Variants in TNIP1 observed in about 807,000 individuals in gnomAD.
TNIP1 encodes the protein TNFAIP3-interacting protein 1.
Under a neutral mutation model 86.6 loss-of-function variants are expected in TNIP1, and 22 were observed. The ratio of observed to expected loss-of-function variants is 0.25; its 90% confidence interval spans 0.18 to 0.36. The LOEUF is 0.36. Among genes scored for constraint, TNIP1 ranks in the 10% least tolerant of loss-of-function variants. The pLI is 1.00. For synonymous variants in TNIP1, 294 were observed against 313.0 expected (o/e 0.94, Z 0.64); for missense variants, 709 against 820.6 (o/e 0.86, Z 1.66).
chr5:151,037,967 A>T (rs1055603636), intron 12 of TNIP1, among the ~76,000 whole-genome samples: 1 of 152,254 alleles, frequency 6.6e-6, no homozygotes, highest in African/African-American at 2.4e-5. Context: ...TGCCTAGGTC[A>T]TGAGCAAAGA....
chr5:151,086,622 C>G (rs1764289506), intron 1 of TNIP1, among the ~76,000 whole-genome samples: 1 of 152,194 alleles, frequency 6.6e-6, no homozygotes, highest in Non-Finnish European at 1.5e-5. Flanking sequence ...CCAACTTACA[C>G]CCACACAGAA....
At chr5:151,043,058 G>A (rs1000998591) in intron 9 of TNIP1, 97 bp from the exon 10 acceptor site, 11 of 1,270,836 alleles carry the variant, frequency 8.7e-6, no homozygotes, top group East Asian at 4.6e-5. Flanking sequence ...AGGTGTGCTC[G>A]GTGTGTGTGA....
intron 6 of TNIP1, 130 bp downstream of exon 6, chr5:151,056,636 C>T (rs928346539): frequency 2.1e-5 from 19 of 888,494 alleles, no homozygotes; most frequent in Non-Finnish European, 2.8e-5. Context: ...ACAAAAAGCC[C>T]GAAGTCTGCC....
At chr5:151,042,206 G>A (rs1758511261) in intron 11 of TNIP1, among the ~76,000 whole-genome samples, 2 of 152,072 alleles carry the variant, frequency 1.3e-5, no homozygotes, top group South Asian at 2.1e-4. Flanking sequence ...CTCCCCAGTT[G>A]CTAGGATTGT....
At position 151,054,888 on chromosome 5, in the gene TNIP1, C is replaced by G. The variant is rs563300548; in HGVS notation, c.627+1878G>C. On this transcript the variant is annotated intron_variant, in intron 6 of 17. Coordinates refer to ENST00000521591, the MANE Select transcript of TNIP1 (RefSeq NM_006058.5). ...GATGCCATGTCTCTGGGCGAGGCCT[C>G]CAGGGAACAGAATGGCCTGCTCCTA... Among the ~76,000 whole-genome samples the G allele has an allele frequency of 1.0e-3, 153 of 152,292 alleles. 2 individuals carry two copies. Among genetic ancestry groups the G allele is most frequent in the African/African-American group, 3.6e-3 (149 of 41,552 alleles).
upstream of TNIP1, among the ~76,000 whole-genome samples, chr5:151,082,044 T>TA (rs1458289545): frequency 1.3e-5 from 2 of 152,222 alleles, no homozygotes; most frequent in Non-Finnish European, 2.9e-5. Context: ...GTTGAAAACT[T>TA]AGTCATTGAC....
chr5:151,078,265 C>T (rs1763619362), intron 1 of TNIP1: 1 of 152,210 alleles, frequency 6.6e-6, no homozygotes, highest in Non-Finnish European at 1.5e-5. Context: ...GCTAGGAGAG[C>T]ACTCTGGTTC....
chr5:151,074,214 GTAATTTTTTTTAAAGGGAAATTT>G (rs1286345949), intron 1 of TNIP1, among the ~76,000 whole-genome samples: 1 of 151,842 alleles, frequency 6.6e-6, no homozygotes, highest in African/African-American at 2.4e-5. Context: ...GTGCTATTTG[GTAATTTTTTTTAAAGGGAAATTT>G]TAAAATATTT....
chr5:151,038,992 G>A (rs1758056977), intron 12 of TNIP1, 105 bp downstream of exon 12: 1 of 1,450,528 alleles, frequency 6.9e-7, no homozygotes, highest in Non-Finnish European at 9.2e-7. Flanking sequence ...CACTGACTGG[G>A]GGTTACCCTT....
intron 1 of TNIP1, among the ~76,000 whole-genome samples, chr5:151,065,581 A>G (rs1762132448): frequency 6.6e-6 from 1 of 152,228 alleles, no homozygotes; most frequent in African/African-American, 2.4e-5. Flanking sequence ...TGGTCTAGGC[A>G]TTAATTTACT....
In TNIP1 at chr5:151,063,725, C is replaced by T. The variant is rs765216323; in HGVS notation, c.159G>A (p.Gln53=). ...TCTGCCGGAGCCTGGTCGCTTCCAT[C>T]TGGGACTCTTCCAAAAGCTCCCCTA... ...KMLGELLEES[Q]MEATRLRQKA... is the part of the protein sequence containing the mutation. Residue 53 remains glutamine, a synonymous_variant, in exon 3 of 18, where the codon CAG becomes CAA. Transcript: ENST00000521591. 6.2e-7 allele frequency: 1 copy of T among 1,614,032 alleles called. No homozygotes were observed. The highest frequency in any genetic ancestry group is 8.5e-7 in the Non-Finnish European group (1 of 1,179,964).
chr5:151,081,950 C>G (rs529673184), upstream of TNIP1, among the ~76,000 whole-genome samples: 9 of 152,294 alleles, frequency 5.9e-5, no homozygotes, highest in South Asian at 1.9e-3. Flanking sequence ...AGTGGAAGGT[C>G]TAACCTTGGA....
chr5:151,083,477 C>T (rs1355843565), upstream of TNIP1, among the ~76,000 whole-genome samples: 2 of 152,214 alleles, frequency 1.3e-5, no homozygotes, highest in African/African-American at 2.4e-5. Flanking sequence ...GCCCCCTAGC[C>T]TGGCACTGCC....
At chr5:151,047,924 A>G (rs189129897) in intron 8 of TNIP1, among the ~76,000 whole-genome samples, 1 of 152,018 alleles carries the variant, frequency 6.6e-6, no homozygotes, top group African/African-American at 2.4e-5. Flanking sequence ...GATTCTCTCT[A>G]TTCTCAGCGT....
At position 151,042,554 on chromosome 5, in the gene TNIP1, T is replaced by C. The variant is rs769990449; in HGVS notation, c.1120A>G (p.Ile374Val). 4.9e-5 allele frequency: 79 copies of C among 1,613,060 alleles called. No individual in the cohort carries two copies. In the East Asian group the frequency reaches 1.7e-3, roughly 35 times the overall value. The change falls in exon 11 of 18, where the codon ATT (isoleucine) becomes GTT (valine). Residue 374 changes from isoleucine (I) to valine (V), a missense_variant. Transcript: ENST00000521591. ...DRKLLLAKSKIEMEETDKEQL... is the reference protein window; with the variant it reads ...DRKLLLAKSKVEMEETDKEQL... Reference sequence around the variant, plus strand: ...GTCACACTTGCCTCCTCCATTTCAATCTTGGACTTGGCCAGGAGGAGCTTG... The same window carrying C: ...GTCACACTTGCCTCCTCCATTTCAACCTTGGACTTGGCCAGGAGGAGCTTG...
chr5:151,050,652 G>A (rs768901100), intron 7 of TNIP1, among the ~76,000 whole-genome samples: 1 of 151,728 alleles, frequency 6.6e-6, no homozygotes, highest in East Asian at 1.9e-4. Flanking sequence ...TCTTTTTTTT[G>A]AGATAGGGTC....
intron 2 of TNIP1, among the ~76,000 whole-genome samples, chr5:151,064,652 C>A (rs933392514): frequency 6.6e-6 from 1 of 152,180 alleles, no homozygotes; most frequent in Non-Finnish European, 1.5e-5. Flanking sequence ...AAAGAGGAGA[C>A]CACTCTAGTT....
At chr5:151,083,012 GGC>G (rs142284021), upstream of TNIP1, among the ~76,000 whole-genome samples, 21,667 of 152,040 alleles carry the variant, frequency 0.14, 2,191 homozygotes, top group East Asian at 0.5. Flanking sequence ...ACACAACCAG[GGC>G]CTTGGAATCC....
At chr5:151,074,173 G>A (rs2113803134) in intron 1 of TNIP1, among the ~76,000 whole-genome samples, 1 of 152,274 alleles carries the variant, frequency 6.6e-6, no homozygotes, top group East Asian at 1.9e-4. Flanking sequence ...TGTACTGCTT[G>A]AGTTTTGGGG....
Sources: gnomAD v4.1 joint callset for allele counts (sites outside exome capture counted in the v4.1 genomes callset) on GRCh38, gnomAD v4.1.1 for gene constraint, MANE v1.5 for transcripts, NCBI Gene and HGNC (gene_info 2026-07-23, HGNC 2026-07-21) for gene names.